Variants in RINT1 observed in about 807,000 individuals in gnomAD.
RINT1 encodes RAD50-interacting protein 1.
A neutral mutation model predicts 97.7 loss-of-function variants in RINT1; 75 were observed. That is an observed-to-expected ratio of 0.77 (90% CI 0.64 to 0.93). The LOEUF is 0.93. Ranked by LOEUF, RINT1 falls within the 40% of genes least tolerant of loss-of-function variation. The probability of loss-of-function intolerance (pLI) is 0.00; values close to 1 mark genes in which losing one functional copy is unlikely to be tolerated. For synonymous variants in RINT1, 303 were observed against 326.3 expected, an observed-to-expected ratio of 0.93 and a Z score of 0.77; for missense variants, 892 against 925.2, an observed-to-expected ratio of 0.96 and a Z score of 0.47.
rs146125024 is a variant in RINT1, at chr7:105,551,391, G to A, written c.1334-179G>A. On this transcript the variant is annotated intron_variant, in intron 9 of 14. Transcript: ENST00000257700. Reference sequence around the variant, plus strand: ...AACATAACTATTTTCAGAATTTGGGGATGGGAGTAAAGTATCCTGTTTAAA... The same window carrying A: ...AACATAACTATTTTCAGAATTTGGGAATGGGAGTAAAGTATCCTGTTTAAA... 3.0e-3 allele frequency among the ~76,000 whole-genome samples: 461 copies of A among 152,282 alleles called. 3 individuals are homozygous for A. The highest frequency in any genetic ancestry group is 5.2e-3 in the Non-Finnish European group (351 of 68,028).
At chr7:105,546,248 C>T (rs914376362) in intron 4 of RINT1, among the ~76,000 whole-genome samples, 3 of 152,192 alleles carry the variant, frequency 2.0e-5, no homozygotes, top group African/African-American at 7.2e-5. Flanking sequence ...GATTAAGATA[C>T]TGAAGACTTT....
chr7:105,537,366 G>T (rs1293862477), intron 3 of RINT1, among the ~76,000 whole-genome samples: 2 of 151,760 alleles, frequency 1.3e-5, no homozygotes, highest in African/African-American at 4.8e-5. Context: ...CTGACCGCAG[G>T]TGATCCACCT....
At chr7:105,553,582 A>T (rs1042233976) in intron 10 of RINT1, among the ~76,000 whole-genome samples, 3 of 148,788 alleles carry the variant, frequency 2.0e-5, no homozygotes, top group African/African-American at 7.4e-5. Context: ...TTAGCCAGGC[A>T]TGGTGGCGGC....
At chr7:105,544,917 C>T (rs917251358) in intron 4 of RINT1, among the ~76,000 whole-genome samples, 3 of 151,646 alleles carry the variant, frequency 2.0e-5, no homozygotes, top group Non-Finnish European at 2.9e-5. Context: ...TTTAGAGCTT[C>T]TGGGATTTTC....
At position 105,540,918 on chromosome 7, in the gene RINT1, A is replaced by T. The variant is rs185062787; in HGVS notation, c.274-1490A>T. 2.7e-3 allele frequency among the ~76,000 whole-genome samples: 382 copies of T among 144,116 alleles called. 4 individuals carry two copies. Among genetic ancestry groups the T allele is most frequent in the African/African-American group, 9.4e-3 (357 of 38,154 alleles). 94.5% of individuals were successfully genotyped at this position (144,116 alleles called of 152,430 possible). A position where few individuals can be genotyped will look rare whatever the true frequency, so the allele number is the denominator to read the frequency against. Reference sequence around the variant, plus strand: ...AGTGGCGCAGTCTCGGCCCACTGCAACCTCTGCCTCCCGGGTTTAAGAAAT... The same window carrying T: ...AGTGGCGCAGTCTCGGCCCACTGCATCCTCTGCCTCCCGGGTTTAAGAAAT... On this transcript the variant is annotated intron_variant, in intron 3 of 14. Coordinates refer to ENST00000257700, the MANE Select transcript of RINT1 (RefSeq NM_021930.6).
At chr7:105,551,540 A>G in intron 9 of RINT1, 30 bp from the exon 10 acceptor site, 1 of 1,547,036 alleles carries the variant, frequency 6.5e-7, no homozygotes, top group Admixed American at 2.1e-5. Flanking sequence ...TAACTACTTA[A>G]TTGACATAAT....
At chr7:105,534,097 G>A (rs1489464416) in intron 2 of RINT1, among the ~76,000 whole-genome samples, 1 of 150,432 alleles carries the variant, frequency 6.6e-6, no homozygotes, top group Non-Finnish European at 1.5e-5. Context: ...TTGAGACTTA[G>A]TCTCACTCTG....
At chr7:105,532,781 G>T (rs374709072) in intron 1 of RINT1, 43 bp from the exon 2 acceptor site, 17 of 1,608,064 alleles carry the variant, frequency 1.1e-5, no homozygotes, top group Non-Finnish European at 1.4e-5. Context: ...TTCCATCCAC[G>T]ACTTTAATCT....
intron 11 of RINT1, among the ~76,000 whole-genome samples, chr7:105,560,559 A>G (rs1246700849): frequency 6.6e-6 from 1 of 152,176 alleles, no homozygotes; most frequent in African/African-American, 2.4e-5. Context: ...AAAAAAATTA[A>G]CCACCAGATT....
chr7:105,540,348 C>T (rs750714507), intron 3 of RINT1, among the ~76,000 whole-genome samples: 4 of 152,102 alleles, frequency 2.6e-5, no homozygotes, highest in Non-Finnish European at 4.4e-5. Context: ...CTGTAACCTC[C>T]GCCTCCTGGT....
intron 12 of RINT1, 94 bp from the exon 13 acceptor site, chr7:105,565,183 C>A: frequency 8.9e-7 from 1 of 1,123,824 alleles, no homozygotes. Context: ...CCAAAATGCC[C>A]TAGGACAGAA....
At chr7:105,554,895 G>A (rs1791107926) in intron 10 of RINT1, 133 bp from the exon 11 acceptor site, 1 of 676,480 alleles carries the variant, frequency 1.5e-6, no homozygotes, top group Non-Finnish European at 2.5e-6. Context: ...AGAGAGCTCA[G>A]AAATAAATCC....
intron 10 of RINT1, among the ~76,000 whole-genome samples, chr7:105,552,792 G>A (rs945281014): frequency 7.3e-6 from 1 of 137,508 alleles, no homozygotes; most frequent in African/African-American, 2.7e-5. Flanking sequence ...TTTTGCCTCC[G>A]CCTCCCAAGT....
In RINT1 at chr7:105,560,767, C is replaced by G. The variant is rs1791404876; in HGVS notation, c.1672-2966C>G. Among the ~76,000 whole-genome samples the G allele has an allele frequency of 1.3e-5, 2 of 151,962 alleles. 1 individual carries two copies. The highest frequency in any genetic ancestry group is 1.3e-4 in the Admixed American group (2 of 15,236). On this transcript the variant is annotated intron_variant, in intron 11 of 14. Coordinates refer to ENST00000257700, the MANE Select transcript of RINT1 (RefSeq NM_021930.6). ...CAAGAGTCTCACTTTGTCACCCAGG[C>G]TGGATTGCAGTGGTGTGATCTTGGC...
intron 3 of RINT1, among the ~76,000 whole-genome samples, chr7:105,539,921 A>G (rs971158854): frequency 6.6e-6 from 1 of 152,316 alleles, no homozygotes; most frequent in Middle Eastern, 3.4e-3. Context: ...TGTCTTGTTT[A>G]TCTGCATATT....
chr7:105,543,455 T>C (rs1412057916), intron 4 of RINT1, among the ~76,000 whole-genome samples: 2 of 152,214 alleles, frequency 1.3e-5, no homozygotes, highest in African/African-American at 4.8e-5. Flanking sequence ...TGACCTTAGT[T>C]CTTTTTGAGT....
At chr7:105,559,378 T>C (rs569245672) in intron 11 of RINT1, among the ~76,000 whole-genome samples, 16 of 151,834 alleles carry the variant, frequency 1.1e-4, no homozygotes, top group African/African-American at 3.6e-4. Context: ...CCATCTCTAC[T>C]AAAAATACAA....
chr7:105,549,967 T>G (rs1790856056), intron 7 of RINT1, 88 bp from the exon 8 acceptor site: 5 of 784,492 alleles, frequency 6.4e-6, no homozygotes, highest in Non-Finnish European at 1.0e-5. Context: ...TTATAAGTGT[T>G]GTGCATATAC....
chr7:105,563,981 A>T, intron 12 of RINT1, 34 bp downstream of exon 12: 1 of 1,488,494 alleles, frequency 6.7e-7, no homozygotes, highest in Non-Finnish European at 9.3e-7. Context: ...TCTTAACACC[A>T]GTTTGGTAAA....
Sources: gnomAD v4.1 joint callset for allele counts (sites outside exome capture counted in the v4.1 genomes callset) on GRCh38, gnomAD v4.1.1 for gene constraint, MANE v1.5 for transcripts, NCBI Gene and HGNC (gene_info 2026-07-23, HGNC 2026-07-21) for gene names.